Variants in RIMS2 observed in about 807,000 individuals in gnomAD.
The protein encoded by RIMS2 is regulating synaptic membrane exocytosis protein 2.
Under a neutral mutation model 174.4 loss-of-function variants are expected in RIMS2, and 59 were observed. The ratio of observed to expected loss-of-function variants is 0.34; its 90% CI spans 0.27 to 0.42. RIMS2 has a LOEUF of 0.42. RIMS2 is among the 10% of genes least tolerant of loss of function. RIMS2 has a pLI of 1.00. For missense variants in RIMS2, 1,620 were observed against 1,666.3 expected, an observed-to-expected ratio of 0.97 and a Z score of 0.48; for synonymous variants, 606 against 572.5, an observed-to-expected ratio of 1.06 and a Z score of -0.84.
At chr8:103,873,066 CT>C (rs1321932769) in intron 3 of RIMS2, among the ~76,000 whole-genome samples, 1 of 152,144 alleles carries the variant, frequency 6.6e-6, no homozygotes, top group Non-Finnish European at 1.5e-5. Context: ...ACTAGAGCTG[CT>C]TTAACTGAAC....
chr8:103,857,958 A>G (rs2099037054), intron 3 of RIMS2, among the ~76,000 whole-genome samples: 2 of 152,154 alleles, frequency 1.3e-5, no homozygotes, highest in East Asian at 1.9e-4. Flanking sequence ...CTTCCTAAGG[A>G]GAAATGTCTG....
intron 3 of RIMS2, chr8:103,819,075 T>C: frequency 3.3e-6 from 1 of 301,082 alleles, no homozygotes; most frequent in South Asian, 9.6e-5. Context: ...ATTGAGAAGA[T>C]ACCTTGTCCC....
chr8:103,695,036 T>C (rs1590519974), intron 1 of RIMS2, among the ~76,000 whole-genome samples: 1 of 151,290 alleles, frequency 6.6e-6, no homozygotes, highest in African/African-American at 2.4e-5. Flanking sequence ...AACAATTGCC[T>C]GATATTGGAG....
intron 1 of RIMS2, among the ~76,000 whole-genome samples, chr8:103,594,110 G>A (rs770782974): frequency 2.0e-5 from 3 of 151,638 alleles, no homozygotes; most frequent in African/African-American, 4.8e-5. Context: ...TTTTGGGCGT[G>A]TACATGTGCA....
At chr8:103,991,407 A>G (rs1423975217) in intron 17 of RIMS2, among the ~76,000 whole-genome samples, 1 of 151,834 alleles carries the variant, frequency 6.6e-6, no homozygotes, top group Non-Finnish European at 1.5e-5. Context: ...GGAATAAAAA[A>G]TTTAAAAGTT....
At chr8:103,737,175 C>CTTTTTTTTTTTTTTTT (rs554949027) in intron 2 of RIMS2, among the ~76,000 whole-genome samples, 3 of 67,510 alleles carry the variant, frequency 4.4e-5, no homozygotes, top group African/African-American at 6.2e-5. Context: ...TTTCTTTGTT[C>CTTTTTTTTTTTTTTTT]TTTTTTTTTT....
intron 19 of RIMS2, among the ~76,000 whole-genome samples, chr8:104,158,478 C>A (rs2098739458): frequency 6.6e-6 from 1 of 152,200 alleles, no homozygotes; most frequent in African/African-American, 2.4e-5. Context: ...GCCACACTGT[C>A]TTCCACAATG....
At chr8:103,972,059 TC>T (rs1174503507) in intron 15 of RIMS2, among the ~76,000 whole-genome samples, 3 of 152,278 alleles carry the variant, frequency 2.0e-5, no homozygotes, top group Non-Finnish European at 4.4e-5. Flanking sequence ...ATGTTTAAAG[TC>T]CCATGGCTTT....
At chr8:103,556,901 A>G (rs924308840) in intron 1 of RIMS2, among the ~76,000 whole-genome samples, 3 of 152,142 alleles carry the variant, frequency 2.0e-5, no homozygotes, top group African/African-American at 4.8e-5. Context: ...CATTTTATCT[A>G]TATTAGCTTC....
intron 15 of RIMS2, among the ~76,000 whole-genome samples, chr8:103,964,638 C>T (rs2091284685): frequency 6.6e-6 from 1 of 152,046 alleles, no homozygotes; most frequent in Admixed American, 6.6e-5. Flanking sequence ...ATTGTCTTGA[C>T]ATTGTCTTTT....
intron 19 of RIMS2, among the ~76,000 whole-genome samples, chr8:104,187,538 G>A (rs971064069): frequency 1.3e-5 from 2 of 151,640 alleles, no homozygotes; most frequent in African/African-American, 4.8e-5. Flanking sequence ...ATAGAAATGT[G>A]ACTCTATTTT....
intron 1 of RIMS2, among the ~76,000 whole-genome samples, chr8:103,616,127 C>T (rs553702801): frequency 1.3e-5 from 2 of 152,134 alleles, no homozygotes. Context: ...CAACAAAATA[C>T]TTGCAAACTG....
intron 1 of RIMS2, among the ~76,000 whole-genome samples, chr8:103,509,863 A>G (rs2028082): frequency 0.35 from 53,812 of 151,900 alleles, 10,261 homozygotes; most frequent in East Asian, 0.77. Context: ...ACACATATCT[A>G]TATTATATAT....
intron 9 of RIMS2, chr8:103,920,716 G>C (rs544389984): frequency 4.4e-6 from 2 of 456,980 alleles, no homozygotes; most frequent in South Asian, 3.1e-5. Flanking sequence ...CTGGCCTAGC[G>C]TGGTGGCTCA....
At chr8:103,625,917 T>G (rs2095771733) in intron 1 of RIMS2, among the ~76,000 whole-genome samples, 1 of 151,700 alleles carries the variant, frequency 6.6e-6, no homozygotes, top group South Asian at 2.1e-4. Context: ...ATATTATATA[T>G]ATACACACAC....
intron 19 of RIMS2, among the ~76,000 whole-genome samples, chr8:104,056,218 C>T (rs1202098953): frequency 6.6e-6 from 1 of 151,988 alleles, no homozygotes; most frequent in East Asian, 1.9e-4. Context: ...TCCTGGCTAA[C>T]ATGGTAAAAC....
chr8:103,839,068 A>C (rs1211619471), intron 3 of RIMS2, among the ~76,000 whole-genome samples: 1 of 152,172 alleles, frequency 6.6e-6, no homozygotes, highest in Non-Finnish European at 1.5e-5. Flanking sequence ...CCGTCTCAAA[A>C]AAAAAGGCCT....
intron 19 of RIMS2, among the ~76,000 whole-genome samples, chr8:104,225,090 G>T (rs1312048393): frequency 6.6e-6 from 1 of 152,192 alleles, no homozygotes; most frequent in Non-Finnish European, 1.5e-5. Flanking sequence ...TTGAGTAAAT[G>T]AATGATCATA....
intron 1 of RIMS2, among the ~76,000 whole-genome samples, chr8:103,696,343 CTGAT>C (rs1369100393): frequency 6.6e-6 from 1 of 152,004 alleles, no homozygotes; most frequent in Non-Finnish European, 1.5e-5. Flanking sequence ...TTTAATCACT[CTGAT>C]TGAGACTGTG....
Sources: gnomAD v4.1 joint callset for allele counts (sites outside exome capture counted in the v4.1 genomes callset) on GRCh38, gnomAD v4.1.1 for gene constraint, MANE v1.5 for transcripts, NCBI Gene and HGNC (gene_info 2026-07-23, HGNC 2026-07-21) for gene names.